ARL1: variants seen among roughly 807,000 people sequenced by gnomAD.
ARL1 encodes the protein ADP-ribosylation factor-like protein 1.
Under a neutral mutation model 30.1 loss-of-function variants are expected in ARL1, and 17 were observed. The observed-to-expected ratio is 0.56, with a 90% CI of 0.39 to 0.85. The LOEUF is 0.85. ARL1 is among the 40% of genes least tolerant of loss of function. The pLI is 0.00. For synonymous variants in ARL1, 58 were observed against 71.7 expected, an observed-to-expected ratio of 0.81 and a Z score of 0.97; for missense variants, 102 against 212.6, an observed-to-expected ratio of 0.48 and a Z score of 3.24.
chr12:101,396,581 A>C lies in ARL1; in HGVS notation c.337-4T>G, dbSNP rs1284459915. On this transcript the variant is annotated splice_region_variant and splice_polypyrimidine_tract_variant and intron_variant, in intron 4 of 5. Coordinates refer to ENST00000261636, the MANE Select transcript of ARL1 (RefSeq NM_001177.6). ...TGGCTTTTCTCAGCTCTTCTTCCTA[A>C]ATGAAATTGAAAATATTTAATTTCT... The C allele has an allele frequency of 6.2e-7, 1 of 1,603,988 alleles. No homozygotes were observed.
chr12:101,399,581 A>G (rs1348958777), intron 4 of ARL1, among the ~76,000 whole-genome samples: 2 of 150,520 alleles, frequency 1.3e-5, no homozygotes, highest in African/African-American at 2.4e-5. Flanking sequence ...GGATGCTTTT[A>G]CCTAGGTATC....
chr12:101,396,674 TTAATA>T (rs1357215943), intron 4 of ARL1, 97 bp from the exon 5 acceptor site: 3 of 892,638 alleles, frequency 3.4e-6, no homozygotes, highest in South Asian at 1.9e-5. Context: ...TATTTTATAA[TTAATA>T]TATTACACAT....
chr12:101,403,687 C>T (rs113281461), intron 2 of ARL1: 4,695 of 154,190 alleles, frequency 0.03, 170 homozygotes, highest in African/African-American at 0.082. Flanking sequence ...TGGCTGGGTG[C>T]GGTGGCTCAC....
At chr12:101,397,535 G>A (rs1264522395) in intron 4 of ARL1, among the ~76,000 whole-genome samples, 1 of 151,164 alleles carries the variant, frequency 6.6e-6, no homozygotes, top group Non-Finnish European at 1.5e-5. Flanking sequence ...GTCTCGCTCT[G>A]TTGCTCAGGC....
At chr12:101,401,366 G>T in intron 3 of ARL1, 193 bp from the exon 4 acceptor site, 1 of 442,320 alleles carries the variant, frequency 2.3e-6, no homozygotes, top group Non-Finnish European at 4.0e-6. Flanking sequence ...GCTGGGCACG[G>T]TGGCTCACAT....
At chr12:101,397,244 T>C (rs940028341) in intron 4 of ARL1, among the ~76,000 whole-genome samples, 2 of 152,080 alleles carry the variant, frequency 1.3e-5, no homozygotes, top group South Asian at 2.1e-4. Flanking sequence ...CTTTGTAGAG[T>C]TGGGAATTAT....
intron 2 of ARL1, chr12:101,403,277 T>G: frequency 2.4e-6 from 1 of 418,736 alleles, no homozygotes; most frequent in South Asian, 1.8e-5. Flanking sequence ...GTATATAATT[T>G]TAGCTCAAAT....
chr12:101,396,563 T>C lies in ARL1; in HGVS notation c.351A>G (p.Arg117=). Residue 117 remains arginine, a synonymous_variant, in exon 5 of 6, where the codon AGA becomes AGG. Transcript: ENST00000261636. ...LVAMLEEEEL[R]KAILVVFANK... ...TTGCAAACACCACTAAAATGGCTTTTCTCAGCTCTTCTTCCTAAATGAAAT... is the reference window on the plus strand; with the variant it reads ...TTGCAAACACCACTAAAATGGCTTTCCTCAGCTCTTCTTCCTAAATGAAAT... 1 of 1,611,464 alleles carries C rather than the reference T, an allele frequency of 6.2e-7. No individual in the cohort carries two copies. Among genetic ancestry groups the C allele is most frequent in the Non-Finnish European group, 8.5e-7 (1 of 1,177,902 alleles).
intron 5 of ARL1, chr12:101,396,074 A>G: frequency 1.7e-6 from 1 of 578,046 alleles, no homozygotes; most frequent in Non-Finnish European, 3.1e-6. Flanking sequence ...GGCAGTAGGA[A>G]TAGAGATACA....
intron 5 of ARL1, 39 bp downstream of exon 5, chr12:101,396,360 C>A: frequency 5.6e-6 from 9 of 1,613,184 alleles, no homozygotes; most frequent in Non-Finnish European, 7.6e-6. Flanking sequence ...TGCAAGCACA[C>A]ACAAATGCAC....
At chr12:101,404,088 A>G (rs1871375846) in intron 2 of ARL1, among the ~76,000 whole-genome samples, 1 of 152,268 alleles carries the variant, frequency 6.6e-6, no homozygotes, top group Non-Finnish European at 1.5e-5. Context: ...CAATTAAAAA[A>G]TAACAATACT....
Position 101,394,269 on chromosome 12 carries a change from G to T in ARL1, c.*1371C>A, listed in dbSNP as rs1871088321. ...AGAAAGGAACTACTAATGTTTCTGA[G>T]ACCTGCAGGGAACCATGGTATTAAG... On this transcript the variant is annotated 3_prime_UTR_variant, in exon 6 of 6. Transcript: ENST00000261636. The T allele has an allele frequency of 6.6e-6, 1 of 152,194 alleles. No individual in the cohort carries two copies. 9.4% of individuals were successfully genotyped at this position (152,194 alleles called of 1,614,324 possible).
rs1202935003 is a variant in ARL1 at position 101,395,116 on chromosome 12, G to A, written c.*524C>T. 6.6e-6 allele frequency: 1 copy of A among 152,564 alleles called. No homozygotes were observed. Among genetic ancestry groups the A allele is most frequent in the Non-Finnish European group, 1.5e-5 (1 of 68,058 alleles). The allele number at this position is 152,564 out of a possible 1,614,324, so 9.5% of individuals were successfully genotyped here. A position where few individuals can be genotyped will look rare whatever the true frequency, so the allele number is the denominator to read the frequency against. On this transcript the variant is annotated 3_prime_UTR_variant, in exon 6 of 6. Coordinates refer to ENST00000261636, the MANE Select transcript of ARL1 (RefSeq NM_001177.6). ...AGTTAACCATCAAAACAATATTCAT[G>A]CCTATAACCAAAAGCTTTTAAACAA...
intron 2 of ARL1, among the ~76,000 whole-genome samples, chr12:101,404,722 T>C (rs912864227): frequency 6.6e-6 from 1 of 152,200 alleles, no homozygotes; most frequent in African/African-American, 2.4e-5. Flanking sequence ...TGTACTACTC[T>C]TCTCTAAGTA....
chr12:101,405,102 C>G (rs1871403657), intron 2 of ARL1, among the ~76,000 whole-genome samples: 1 of 152,154 alleles, frequency 6.6e-6, no homozygotes, highest in Non-Finnish European at 1.5e-5. Context: ...AACTCCCGAC[C>G]TCAGGTGATC....
chr12:101,398,787 A>C (rs751522716), intron 4 of ARL1, among the ~76,000 whole-genome samples: 3 of 152,142 alleles, frequency 2.0e-5, no homozygotes, highest in Non-Finnish European at 2.9e-5. Flanking sequence ...CTTGGCCCAT[A>C]CTTAACATAA....
In ARL1 at chr12:101,402,951, A is replaced by T. The variant is rs1593466902; in HGVS notation, c.143-5T>A. On this transcript the variant is annotated splice_region_variant and splice_polypyrimidine_tract_variant and intron_variant, in intron 2 of 5. Coordinates refer to ENST00000261636, the MANE Select transcript of ARL1 (RefSeq NM_001177.6). ...TCTCTACATTAAATCCAATGGCTGG[A>T]AGAGAAATCAAATCAGTGGTATGTG... 6.2e-7 allele frequency: 1 copy of T among 1,608,736 alleles called. No individual in the cohort carries two copies. The highest frequency in any genetic ancestry group is 1.3e-5 in the African/African-American group (1 of 74,932).
chr12:101,397,090 GT>G (rs1325574108), intron 4 of ARL1, among the ~76,000 whole-genome samples: 1 of 151,992 alleles, frequency 6.6e-6, no homozygotes, highest in Non-Finnish European at 1.5e-5. Context: ...GTTTAAATCT[GT>G]TTCCTTAACA....
chr12:101,407,735 G>C lies in ARL1; in HGVS notation c.-90C>G. ...GGCGGTTTCCTCGCAAGCCCAGTCA[G>C]CCAGCAACTTCCACGTCGGACTCCA... On this transcript the variant is annotated 5_prime_UTR_variant, in exon 1 of 6. Transcript: ENST00000261636. 3.2e-6 allele frequency: 5 copies of C among 1,583,916 alleles called. No individual in the cohort carries two copies. Among genetic ancestry groups the C allele is most frequent in the Non-Finnish European group, 4.3e-6 (5 of 1,158,488 alleles).
Sources: allele counts gnomAD v4.1 joint callset (sites outside exome capture counted in the v4.1 genomes callset), GRCh38; gene constraint gnomAD v4.1.1; transcripts MANE v1.5; gene names NCBI Gene and HGNC (gene_info 2026-07-23, HGNC 2026-07-21).